VAPA: variants seen among roughly 807,000 people sequenced by gnomAD.
The protein encoded by VAPA is VAMP associated protein A.
VAPA carries 6 observed loss-of-function variants against 25.6 expected under a neutral mutation model. The observed-to-expected ratio is 0.23, with a 90% CI of 0.13 to 0.46. The LOEUF (loss-of-function observed/expected upper bound fraction) is 0.46, where lower values mean the gene tolerates loss of function less well. Ranked by LOEUF, VAPA falls within the 20% of genes least tolerant of loss-of-function variation. The pLI, the probability that VAPA is intolerant of heterozygous loss-of-function variation, is 0.99. For synonymous variants in VAPA, 112 were observed against 106.2 expected (o/e 1.05, Z -0.34); for missense variants, 244 against 302.1 (o/e 0.81, Z 1.43).
chr18:9,920,841 G>T (rs1304275247), intron 1 of VAPA, among the ~76,000 whole-genome samples: 1 of 152,158 alleles, frequency 6.6e-6, no homozygotes, highest in African/African-American at 2.4e-5. Flanking sequence ...GCAATGCTTT[G>T]CACAGGCTCT....
chr18:9,926,176 T>G (rs1431377244), intron 1 of VAPA, among the ~76,000 whole-genome samples: 1 of 152,172 alleles, frequency 6.6e-6, no homozygotes, highest in Non-Finnish European at 1.5e-5. Context: ...TTAGTAGATA[T>G]TCTGTGTACT....
At chr18:9,943,987 G>A (rs1333045562) in intron 4 of VAPA, among the ~76,000 whole-genome samples, 5 of 150,150 alleles carry the variant, frequency 3.3e-5, no homozygotes, top group Non-Finnish European at 5.9e-5. Flanking sequence ...CAGCCTCTCC[G>A]AGTAGCTGGG....
rs750625352 is a variant in VAPA, at chr18:9,936,115, C to T, written c.238C>T (p.Leu80=). 1 of 1,601,650 alleles carries T rather than the reference C, an allele frequency of 6.2e-7. No individual in the cohort carries two copies. The highest frequency in any genetic ancestry group is 8.5e-7 in the Non-Finnish European group (1 of 1,173,958). ...ATCCTTTTTTTCTTATTTAGTAATG[C>T]TACAGCCCTTTGACTATGATCCGAA... ...PGSTVTVSVM[L]QPFDYDPNEK... is the part of the protein sequence containing the mutation. The change falls in exon 3 of 6, where the codon CTA becomes TTA. Residue 80 remains leucine (L), a synonymous_variant. Coordinates refer to ENST00000400000, the MANE Select transcript of VAPA (RefSeq NM_194434.3).
intron 4 of VAPA, chr18:9,950,098 G>T: frequency 3.7e-6 from 1 of 272,910 alleles, no homozygotes. Context: ...GGTTTTAGGG[G>T]TAAATACAAA....
At chr18:9,921,262 A>G (rs1384050746) in intron 1 of VAPA, among the ~76,000 whole-genome samples, 2 of 152,166 alleles carry the variant, frequency 1.3e-5, no homozygotes, top group Admixed American at 6.5e-5. Context: ...CTTCCAGAAA[A>G]GGGGTGGTAG....
chr18:9,950,775 A>G (rs1705112374), intron 5 of VAPA: 1 of 519,912 alleles, frequency 1.9e-6, no homozygotes, highest in East Asian at 3.4e-5. Context: ...TTTAGCACAC[A>G]TTCTAATTAT....
chr18:9,918,964 G>T lies in VAPA; in HGVS notation c.79+4629G>T, dbSNP rs866830239. ...CAACCTGGAGTGCAGTGGCATGCAC[G>T]TTCTTGGCTCACTGCAGCCGTGACC... On this transcript the variant is annotated intron_variant, in intron 1 of 5. Coordinates refer to ENST00000400000, the MANE Select transcript of VAPA (RefSeq NM_194434.3). Among the ~76,000 whole-genome samples the T allele has an allele frequency of 7.9e-5, 12 of 152,160 alleles. 1 individual carries two copies. Among genetic ancestry groups the T allele is most frequent in the Admixed American group, 7.2e-4 (11 of 15,284 alleles).
intron 1 of VAPA, among the ~76,000 whole-genome samples, chr18:9,916,607 ATAT>A (rs1326096109): frequency 2.6e-5 from 4 of 152,112 alleles, no homozygotes; most frequent in South Asian, 2.1e-4. Context: ...TGATTCCTTA[ATAT>A]TATCGTTTTA....
At position 9,944,991 on chromosome 18, in the gene VAPA, C is replaced by T. The variant is rs1174240992; in HGVS notation, c.418-5404C>T. ...AGCAGCATCAACAACACAGTTGCAA[C>T]ACCTGCCAGTTATCACACGAAGGAT... On this transcript the variant is annotated intron_variant, in intron 4 of 5. Coordinates refer to ENST00000400000, the MANE Select transcript of VAPA (RefSeq NM_194434.3). 2 of 1,614,166 alleles carry T rather than the reference C, an allele frequency of 1.2e-6. No individual in the cohort carries two copies. Among genetic ancestry groups the T allele is most frequent in the Non-Finnish European group, 1.7e-6 (2 of 1,180,016 alleles).
chr18:9,914,159 C>A lies in VAPA; in HGVS notation c.-98C>A. On this transcript the variant is annotated 5_prime_UTR_variant, in exon 1 of 6. Transcript: ENST00000400000. ...GGCTCGGGAGCCGCGAGCCTGGCCT[C>A]GTCCTAGAGCTCGGCCGAGCCGTCG... The A allele has an allele frequency of 3.6e-6, 4 of 1,096,818 alleles. No homozygotes were observed. Among genetic ancestry groups the A allele is most frequent in the Middle Eastern group, 2.8e-4 (1 of 3,536 alleles). The allele number at this position is 1,096,818 out of a possible 1,614,324, so 67.9% of individuals were successfully genotyped here.
chr18:9,923,512 G>C (rs1345785279), intron 1 of VAPA, among the ~76,000 whole-genome samples: 1 of 152,160 alleles, frequency 6.6e-6, no homozygotes, highest in South Asian at 2.1e-4. Context: ...TATGTTTCAT[G>C]TATGTGTGTA....
rs79689613 is a variant in VAPA, at chr18:9,945,290, A to G, written c.418-5105A>G. On this transcript the variant is annotated intron_variant, in intron 4 of 5. Transcript: ENST00000400000. Reference sequence around the variant, plus strand: ...AAATCTATATAGTGAGCAGGACAGTATAAGTGTGAACATTATGAAGTTGCT... The same window carrying G: ...AAATCTATATAGTGAGCAGGACAGTGTAAGTGTGAACATTATGAAGTTGCT... 0.016 allele frequency among the ~76,000 whole-genome samples: 2,452 copies of G among 150,968 alleles called. 59 individuals carry two copies. The highest frequency in any genetic ancestry group is 0.048 in the African/African-American group (1,998 of 41,236).
intron 1 of VAPA, among the ~76,000 whole-genome samples, chr18:9,921,472 G>A (rs553667464): frequency 1.3e-5 from 2 of 152,234 alleles, no homozygotes; most frequent in South Asian, 4.1e-4. Context: ...AAAGAATAGG[G>A]AAAACTATAC....
Position 9,914,096 on chromosome 18 carries a change from G to T in VAPA, c.-161G>T, listed in dbSNP as rs2069087535. On this transcript the variant is annotated 5_prime_UTR_variant, in exon 1 of 6. Coordinates refer to ENST00000400000, the MANE Select transcript of VAPA (RefSeq NM_194434.3). ...GGACCCGGAGCTGCTGACCCAGCGG[G>T]TGGCCCACCGAACCGGTGACACAGC... 1.8e-6 allele frequency: 1 copy of T among 555,534 alleles called. No homozygotes were observed. 34.4% of individuals were successfully genotyped at this position (555,534 alleles called of 1,614,324 possible).
In VAPA at chr18:9,943,841, C is replaced by CTTTTT. The variant is rs71169911; in HGVS notation, c.418-6521_418-6517dup. Among the ~76,000 whole-genome samples the CTTTTT allele has an allele frequency of 2.1e-3, 107 of 51,766 alleles. 24 individuals are homozygous for CTTTTT. Among genetic ancestry groups the CTTTTT allele is most frequent in the African/African-American group, 3.0e-3 (47 of 15,566 alleles). 34.0% of individuals were successfully genotyped at this position (51,766 alleles called of 152,430 possible). Reference sequence around the variant, plus strand: ...TGACATTTGAAGGTGACATATTTCCCTTTTTTTTTTTTTTTTTTTTTTTTT... The same window carrying CTTTTT: ...TGACATTTGAAGGTGACATATTTCCCTTTTTTTTTTTTTTTTTTTTTTTTTTTTTT... On this transcript the variant is annotated intron_variant, in intron 4 of 5. Transcript: ENST00000400000.
intron 4 of VAPA, chr18:9,944,930 A>T (rs772502660): frequency 4.3e-6 from 7 of 1,613,918 alleles, no homozygotes; most frequent in Non-Finnish European, 5.9e-6. Context: ...TCAGGGTATA[A>T]CTCCACCAGG....
Position 9,914,377 on chromosome 18 carries a change from G to T in VAPA, c.79+42G>T, listed in dbSNP as rs755772014. ...CACCCCCGGGTGGGGTGGGGCGCGC[G>T]GACCGCTGGCTGTCGGCGGGGGGGC... On this transcript the variant is annotated intron_variant, in intron 1 of 5. Coordinates refer to ENST00000400000, the MANE Select transcript of VAPA (RefSeq NM_194434.3). 11 of 1,527,908 alleles carry T rather than the reference G, an allele frequency of 7.2e-6. No individual in the cohort carries two copies. The East Asian group carries it at 3.1e-4, about 43-fold the overall frequency. 94.6% of individuals were successfully genotyped at this position (1,527,908 alleles called of 1,614,324 possible). A position where few individuals can be genotyped will look rare whatever the true frequency, so the allele number is the denominator to read the frequency against.
At position 9,954,539 on chromosome 18, in the gene VAPA, T is replaced by C; in HGVS notation, c.*328T>C. ...CAAGAATTGTTCAGAGTCTTGTAAA[T>C]GTTATTTTAATAATCCCTTTAAATT... On this transcript the variant is annotated 3_prime_UTR_variant, in exon 6 of 6. Transcript: ENST00000400000. 3 of 199,314 alleles carry C rather than the reference T, an allele frequency of 1.5e-5. No individual in the cohort carries two copies. The South Asian group carries it at 4.7e-4, about 31-fold the overall frequency. The allele number at this position is 199,314 out of a possible 1,614,324, so 12.3% of individuals were successfully genotyped here. A position where few individuals can be genotyped will look rare whatever the true frequency, so the allele number is the denominator to read the frequency against.
intron 2 of VAPA, among the ~76,000 whole-genome samples, chr18:9,934,742 C>T (rs2069290621): frequency 6.6e-6 from 1 of 152,092 alleles, no homozygotes; most frequent in Non-Finnish European, 1.5e-5. Context: ...ATATTGGACT[C>T]ATGTTACATA....
Sources: allele counts gnomAD v4.1 joint callset (sites outside exome capture counted in the v4.1 genomes callset), GRCh38; gene constraint gnomAD v4.1.1; transcripts MANE v1.5; gene names NCBI Gene and HGNC (gene_info 2026-07-23, HGNC 2026-07-21).